The following DDAH1 variants were observed in gnomAD, a reference collection of about 807,000 sequenced individuals.
The protein encoded by DDAH1 is N(G),N(G)-dimethylarginine dimethylaminohydrolase 1.
A neutral mutation model predicts 28.8 loss-of-function variants in DDAH1; 19 were observed. The observed-to-expected ratio is 0.66, with a 90% CI of 0.46 to 0.97. The LOEUF (loss-of-function observed/expected upper bound fraction) is 0.97. Ranked by LOEUF, DDAH1 falls within the 50% of genes least tolerant of loss-of-function variation. The pLI, the probability that DDAH1 is intolerant of heterozygous loss-of-function variation, is 0.00. For missense variants in DDAH1, 326 were observed against 375.9 expected, an observed-to-expected ratio of 0.87 and a Z score of 1.10; for synonymous variants, 153 against 154.4, an observed-to-expected ratio of 0.99 and a Z score of 0.07.
At chr1:85,482,025 C>T (rs1656031125) in intron 2 of DDAH1, among the ~76,000 whole-genome samples, 1 of 152,194 alleles carries the variant, frequency 6.6e-6, no homozygotes, top group Admixed American at 6.5e-5. Context: ...AACTAGGAGA[C>T]ACAATAATCC....
At chr1:85,365,313 G>A (rs1650018174) in intron 1 of DDAH1, among the ~76,000 whole-genome samples, 1 of 152,170 alleles carries the variant, frequency 6.6e-6, no homozygotes, top group African/African-American at 2.4e-5. Context: ...AGGAGCTACA[G>A]TACTCTCCAA....
In DDAH1 at chr1:85,566,354, T is replaced by C. The variant is rs559544873; in HGVS notation, c.-123+11630A>G. On this transcript the variant is annotated intron_variant, in intron 1 of 6. Coordinates refer to the DDAH1 transcript ENST00000426972. ...ATTTCTACAAAAAATTATCTGGGTGTGGTGGTGCACACCTGTAGTCCCAGC... is the reference window on the plus strand; with the variant it reads ...ATTTCTACAAAAAATTATCTGGGTGCGGTGGTGCACACCTGTAGTCCCAGC... 1.1e-4 allele frequency among the ~76,000 whole-genome samples: 17 copies of C among 151,670 alleles called. No individual in the cohort carries two copies. The East Asian group carries it at 2.7e-3, about 24-fold the overall frequency.
intron 4 of DDAH1, among the ~76,000 whole-genome samples, chr1:85,344,865 T>TA (rs1240573339): frequency 6.6e-6 from 1 of 151,948 alleles, no homozygotes; most frequent in African/African-American, 2.4e-5. Flanking sequence ...CCCCCTTAAT[T>TA]AAAAAAATTA....
At chr1:85,324,299 T>TAATAATAATAAA (rs1363681922) in intron 5 of DDAH1, among the ~76,000 whole-genome samples, 31 of 143,298 alleles carry the variant, frequency 2.2e-4, no homozygotes, top group Admixed American at 5.7e-4. Flanking sequence ...ATAATAATAA[T>TAATAATAATAAA]AAATAAAAAA....
At chr1:85,529,393 T>G (rs1159915494) in intron 1 of DDAH1, among the ~76,000 whole-genome samples, 1 of 152,044 alleles carries the variant, frequency 6.6e-6, no homozygotes, top group Non-Finnish European at 1.5e-5. Flanking sequence ...AAATTGAGAC[T>G]GAGAAATATA....
At chr1:85,412,687 C>T (rs1652709564) in intron 1 of DDAH1, among the ~76,000 whole-genome samples, 1 of 152,166 alleles carries the variant, frequency 6.6e-6, no homozygotes, top group Non-Finnish European at 1.5e-5. Flanking sequence ...GTCTAAAGAA[C>T]AGTGCAAATG....
intron 1 of DDAH1, among the ~76,000 whole-genome samples, chr1:85,391,880 C>T (rs977934547): frequency 1.3e-5 from 2 of 152,202 alleles, no homozygotes; most frequent in Non-Finnish European, 2.9e-5. Context: ...AGGCTGTCTA[C>T]CCTCTGATAA....
At position 85,416,356 on chromosome 1, in the gene DDAH1, G is replaced by A. The variant is rs533018491; in HGVS notation, c.303+48387C>T. On this transcript the variant is annotated intron_variant, in intron 1 of 5. Coordinates refer to ENST00000284031, the MANE Select transcript of DDAH1 (RefSeq NM_012137.4). ...GACTACAGGCATCCACCATGACACC[G>A]GCTAAATTTTGTATTTTTAGTAGAG... Among the ~76,000 whole-genome samples, 48 of 151,886 alleles carry A rather than the reference G, an allele frequency of 3.2e-4. No homozygotes were observed. In the East Asian group the frequency reaches 7.4e-3, roughly 23 times the overall value.
intron 1 of DDAH1, among the ~76,000 whole-genome samples, chr1:85,422,016 GGCTGTTCTTACTA>G (rs1208309040): frequency 4.6e-5 from 7 of 152,144 alleles, no homozygotes; most frequent in African/African-American, 1.7e-4. Context: ...CTACCAAAAT[GGCTGTTCTTACTA>G]GCAATAAAAA....
At chr1:85,395,060 A>C (rs35294786) in intron 1 of DDAH1, among the ~76,000 whole-genome samples, 40,553 of 152,036 alleles carry the variant, frequency 0.27, 5,539 homozygotes, top group Middle Eastern at 0.3. Flanking sequence ...TACCAAGAGA[A>C]AGTAAAATGT....
chr1:85,435,934 G>A (rs180957337), intron 1 of DDAH1, among the ~76,000 whole-genome samples: 1 of 150,216 alleles, frequency 6.7e-6, no homozygotes, highest in Admixed American at 6.7e-5. Flanking sequence ...GGGACTACTG[G>A]CGTGTGCCAC....
At chr1:85,322,000 A>T (rs1310691455) in intron 5 of DDAH1, among the ~76,000 whole-genome samples, 1 of 152,036 alleles carries the variant, frequency 6.6e-6, no homozygotes, top group Non-Finnish European at 1.5e-5. Context: ...TGCAGCCTCA[A>T]CTTCCCAGGC....
chr1:85,554,276 GTTTTTTTT>G lies in DDAH1; in HGVS notation c.-123+23700_-123+23707del, dbSNP rs368410411. Among the ~76,000 whole-genome samples the G allele has an allele frequency of 9.7e-4, 107 of 110,718 alleles. 1 individual carries two copies. Among genetic ancestry groups the G allele is most frequent in the Admixed American group, 1.6e-3 (16 of 10,070 alleles). 72.6% of individuals were successfully genotyped at this position (110,718 alleles called of 152,430 possible). ...TTTTCCTAAAAAGGAAATTGTAAGAGTTTTTTTTTTTTTTTTTTTTTTAATCTCTAAAG... is the reference window on the plus strand; with the variant it reads ...TTTTCCTAAAAAGGAAATTGTAAGAGTTTTTTTTTTTTTTAATCTCTAAAG... On this transcript the variant is annotated intron_variant, in intron 1 of 6. Coordinates refer to the DDAH1 transcript ENST00000426972.
At chr1:85,559,469 C>T (rs975409321) in intron 1 of DDAH1, among the ~76,000 whole-genome samples, 6 of 151,886 alleles carry the variant, frequency 4.0e-5, no homozygotes, top group African/African-American at 1.4e-4. Flanking sequence ...ACTGGACATA[C>T]CAAGAAGCAA....
chr1:85,503,518 C>CATCTATCTATCTATCT (rs61426289), intron 1 of DDAH1, among the ~76,000 whole-genome samples: 134 of 144,110 alleles, frequency 9.3e-4, no homozygotes, highest in East Asian at 2.9e-3. Context: ...CTTTAAAGTT[C>CATCTATCTATCTATCT]ATCTATCTAT....
chr1:85,368,039 TG>T (rs1650166367), intron 1 of DDAH1, among the ~76,000 whole-genome samples: 1 of 152,224 alleles, frequency 6.6e-6, no homozygotes, highest in Non-Finnish European at 1.5e-5. Context: ...GATTAAATTC[TG>T]ATACAGAAAC....
In DDAH1 at chr1:85,471,890, G is replaced by C. The variant is rs527637463; in HGVS notation, c.-7+24276C>G. ...TCTGTAGCTCTTTCTGTGTTCCTCT[G>C]TTGGGGCTCAGAAAACAATGCCCCA... On this transcript the variant is annotated intron_variant, in intron 2 of 6. Transcript: ENST00000426972. Among the ~76,000 whole-genome samples, 8 of 152,276 alleles carry C rather than the reference G, an allele frequency of 5.3e-5. No individual in the cohort carries two copies. The South Asian group carries it at 1.5e-3, about 28-fold the overall frequency.
At chr1:85,388,463 A>G (rs1202015465) in intron 1 of DDAH1, among the ~76,000 whole-genome samples, 4 of 152,240 alleles carry the variant, frequency 2.6e-5, no homozygotes. Context: ...ATTATATAAA[A>G]ATAATTGTAA....
At chr1:85,326,501 C>T (rs1325331162) in intron 4 of DDAH1, among the ~76,000 whole-genome samples, 1 of 152,186 alleles carries the variant, frequency 6.6e-6, no homozygotes, top group Non-Finnish European at 1.5e-5. Context: ...TGCTTTAGGT[C>T]ACATAGGTAG....
Sources: gnomAD v4.1 joint callset for allele counts (sites outside exome capture counted in the v4.1 genomes callset) on GRCh38, gnomAD v4.1.1 for gene constraint, MANE v1.5 for transcripts, NCBI Gene and HGNC (gene_info 2026-07-23, HGNC 2026-07-21) for gene names.